LRRIQ3: variants seen among roughly 807,000 people sequenced by gnomAD.
LRRIQ3 encodes the protein leucine-rich repeat and IQ domain-containing protein 3.
LRRIQ3 carries 75 observed loss-of-function variants against 59.3 expected under a neutral mutation model. The observed-to-expected ratio is 1.26, with a 90% confidence interval of 1.05 to 1.53. The LOEUF (loss-of-function observed/expected upper bound fraction) is 1.53. Among genes scored for constraint, LRRIQ3 ranks in the 40% most tolerant of loss-of-function variants. The pLI is 0.00. For synonymous variants in LRRIQ3, 250 were observed against 231.3 expected (o/e 1.08, Z -0.73); for missense variants, 831 against 710.0 (o/e 1.17, Z -1.94).
At chr1:74,156,437 A>C (rs1648332526) in intron 3 of LRRIQ3, among the ~76,000 whole-genome samples, 1 of 152,188 alleles carries the variant, frequency 6.6e-6, no homozygotes, top group Non-Finnish European at 1.5e-5. Flanking sequence ...TTATTATTAG[A>C]GTAAAAGAAC....
chr1:74,114,578 T>C (rs1646751678), intron 4 of LRRIQ3, among the ~76,000 whole-genome samples: 1 of 151,530 alleles, frequency 6.6e-6, no homozygotes, highest in Non-Finnish European at 1.5e-5. Context: ...CTACTAAAAA[T>C]ACAAAAAATT....
intron 6 of LRRIQ3, among the ~76,000 whole-genome samples, chr1:74,071,153 T>C (rs1655017974): frequency 6.6e-6 from 1 of 151,824 alleles, no homozygotes; most frequent in Non-Finnish European, 1.5e-5. Flanking sequence ...TTGTCTATCA[T>C]CTATCTATGT....
At chr1:74,070,907 A>G (rs1570065234) in intron 6 of LRRIQ3, among the ~76,000 whole-genome samples, 1 of 151,514 alleles carries the variant, frequency 6.6e-6, no homozygotes, top group South Asian at 2.1e-4. Context: ...TATATTTTTC[A>G]GGAGAAAGAC....
intron 4 of LRRIQ3, among the ~76,000 whole-genome samples, chr1:74,155,014 C>T (rs1341044232): frequency 1.3e-5 from 2 of 152,150 alleles, no homozygotes; most frequent in Non-Finnish European, 2.9e-5. Flanking sequence ...TCTATCTTAC[C>T]ACAGAATGTT....
At position 74,163,651 on chromosome 1, in the gene LRRIQ3, T is replaced by A. The variant is rs372780025; in HGVS notation, c.574-7785A>T. On this transcript the variant is annotated intron_variant, in intron 3 of 7. Coordinates refer to ENST00000354431, the MANE Select transcript of LRRIQ3 (RefSeq NM_001105659.2). Reference sequence around the variant, plus strand: ...AGGGATGTGTCAATTCATTTAACCATTCACTCATTGAAGGACATCTAGGTA... The same window carrying A: ...AGGGATGTGTCAATTCATTTAACCAATCACTCATTGAAGGACATCTAGGTA... 4.1e-4 allele frequency among the ~76,000 whole-genome samples: 62 copies of A among 151,676 alleles called. 2 individuals are homozygous for A. In the South Asian group the frequency reaches 0.012, roughly 29 times the overall value.
At chr1:74,033,359 C>T (rs1046462341) in intron 7 of LRRIQ3, among the ~76,000 whole-genome samples, 5 of 151,794 alleles carry the variant, frequency 3.3e-5, no homozygotes, top group Non-Finnish European at 7.4e-5. Flanking sequence ...TAAAGAACCT[C>T]GGAGCCTACA....
intron 4 of LRRIQ3, among the ~76,000 whole-genome samples, chr1:74,139,503 C>T (rs1647193899): frequency 6.6e-6 from 1 of 151,872 alleles, no homozygotes; most frequent in Admixed American, 6.6e-5. Flanking sequence ...CTGATCCCTA[C>T]ATCTATATTT....
At chr1:74,109,659 G>T (rs1646665888) in intron 4 of LRRIQ3, 106 bp from the exon 5 acceptor site, 3 of 857,168 alleles carry the variant, frequency 3.5e-6, no homozygotes, top group East Asian at 2.9e-5. Flanking sequence ...GTGTTAAATT[G>T]AATGTAATAA....
rs550500617 is a variant in LRRIQ3 at position 74,036,044 on chromosome 1, T to C, written c.1718+5169A>G. On this transcript the variant is annotated intron_variant, in intron 7 of 7. Transcript: ENST00000354431. Reference sequence around the variant, plus strand: ...TCTTAGAGGATCAAGAATATCTTATTCATCTTTGTATGGCAGGGCAAGGGA... The same window carrying C: ...TCTTAGAGGATCAAGAATATCTTATCCATCTTTGTATGGCAGGGCAAGGGA... Among the ~76,000 whole-genome samples the C allele has an allele frequency of 2.0e-5, 3 of 152,298 alleles. No homozygotes were observed. In the South Asian group the frequency reaches 6.2e-4, roughly 32 times the overall value.
intron 3 of LRRIQ3, among the ~76,000 whole-genome samples, chr1:74,161,174 AT>A (rs1237677701): frequency 1.3e-5 from 2 of 151,814 alleles, no homozygotes; most frequent in Non-Finnish European, 2.9e-5. Flanking sequence ...AAGGGGACGG[AT>A]CTCTCTGGGG....
At chr1:74,136,820 T>A (rs981113664) in intron 4 of LRRIQ3, among the ~76,000 whole-genome samples, 2 of 151,974 alleles carry the variant, frequency 1.3e-5, no homozygotes, top group African/African-American at 4.8e-5. Flanking sequence ...TTATTAAGGC[T>A]AAAGGGAAAA....
chr1:74,162,358 G>T (rs141235751), intron 3 of LRRIQ3, among the ~76,000 whole-genome samples: 2 of 151,772 alleles, frequency 1.3e-5, no homozygotes, highest in African/African-American at 4.8e-5. Flanking sequence ...TCCAATCAAA[G>T]GAATTATAGT....
intron 5 of LRRIQ3, among the ~76,000 whole-genome samples, chr1:74,103,574 CA>C (rs1296296065): frequency 6.6e-6 from 1 of 151,808 alleles, no homozygotes; most frequent in Non-Finnish European, 1.5e-5. Flanking sequence ...AATTGACCCC[CA>C]AAATAAATAA....
At chr1:74,154,522 T>C (rs1648203951) in intron 4 of LRRIQ3, among the ~76,000 whole-genome samples, 2 of 152,124 alleles carry the variant, frequency 1.3e-5, no homozygotes, top group African/African-American at 4.8e-5. Flanking sequence ...CAAAACTCTC[T>C]ATTCATACAT....
At chr1:74,033,050 G>A (rs763202719) in intron 7 of LRRIQ3, among the ~76,000 whole-genome samples, 4 of 151,972 alleles carry the variant, frequency 2.6e-5, no homozygotes, top group African/African-American at 4.8e-5. Flanking sequence ...GAGAAGGAGA[G>A]GCCATAAGTG....
At chr1:74,111,718 T>A (rs1029258905) in intron 4 of LRRIQ3, among the ~76,000 whole-genome samples, 1 of 152,080 alleles carries the variant, frequency 6.6e-6, no homozygotes, top group Non-Finnish European at 1.5e-5. Flanking sequence ...CAGTGAATCT[T>A]TGCCATTTAA....
intron 4 of LRRIQ3, among the ~76,000 whole-genome samples, chr1:74,149,104 G>A (rs563955538): frequency 6.6e-6 from 1 of 152,120 alleles, no homozygotes; most frequent in East Asian, 1.9e-4. Context: ...TTGTATTCAT[G>A]ATTTTTACAT....
intron 3 of LRRIQ3, chr1:74,181,611 G>C (rs536532381): frequency 6.6e-6 from 1 of 151,512 alleles, no homozygotes; most frequent in Admixed American, 6.6e-5. Context: ...TTAGGGCCCA[G>C]GTTAAGATAT....
chr1:74,061,218 C>T (rs567348804), intron 6 of LRRIQ3, among the ~76,000 whole-genome samples: 1 of 152,138 alleles, frequency 6.6e-6, no homozygotes, highest in Non-Finnish European at 1.5e-5. Context: ...AGGAATACAG[C>T]TAACTGGGGT....
Sources: gnomAD v4.1 joint callset for allele counts (sites outside exome capture counted in the v4.1 genomes callset) on GRCh38, gnomAD v4.1.1 for gene constraint, MANE v1.5 for transcripts, NCBI Gene and HGNC (gene_info 2026-07-23, HGNC 2026-07-21) for gene names.